Variants in RORB observed in about 807,000 individuals in gnomAD.
The protein encoded by RORB is nuclear receptor ROR-beta.
A neutral mutation model predicts 59.1 loss-of-function variants in RORB; 6 were observed. The observed-to-expected ratio is 0.10, with a 90% CI of 0.06 to 0.20. The LOEUF (loss-of-function observed/expected upper bound fraction) is 0.20. RORB is among the 10% of genes least tolerant of loss of function. The pLI is 1.00. For synonymous variants in RORB, 215 were observed against 204.5 expected, an observed-to-expected ratio of 1.05 and a Z score of -0.44; for missense variants, 320 against 560.5, an observed-to-expected ratio of 0.57 and a Z score of 4.33.
At chr9:74,623,359 T>C (rs1823455624) in intron 1 of RORB, among the ~76,000 whole-genome samples, 1 of 152,088 alleles carries the variant, frequency 6.6e-6, no homozygotes, top group East Asian at 1.9e-4. Context: ...TGGGTGTTAA[T>C]TACAGTAACG....
At chr9:74,628,250 T>G (rs528848052) in intron 1 of RORB, among the ~76,000 whole-genome samples, 3 of 152,118 alleles carry the variant, frequency 2.0e-5, no homozygotes, top group Non-Finnish European at 4.4e-5. Flanking sequence ...AAGAAATGAA[T>G]AGAAATGTAT....
intron 1 of RORB, among the ~76,000 whole-genome samples, chr9:74,564,841 A>AT (rs974794402): frequency 3.3e-5 from 5 of 152,190 alleles, no homozygotes; most frequent in Admixed American, 1.3e-4. Flanking sequence ...CAGTTCTGGT[A>AT]TTTTTTTAAA....
chr9:74,688,324 C>G lies in RORB; in HGVS notation c.*2706C>G, dbSNP rs950123647. On this transcript the variant is annotated 3_prime_UTR_variant, in exon 10 of 10. Transcript: ENST00000376896. ...GCCCAACCTTCCCTTTAAAGAGAAT[C>G]CAGTCATGTTTTCAATGGTAAAAAG... 1 of 152,168 alleles carries G rather than the reference C, an allele frequency of 6.6e-6. No homozygotes were observed. Among genetic ancestry groups the G allele is most frequent in the Non-Finnish European group, 1.5e-5 (1 of 68,044 alleles). 9.4% of individuals were successfully genotyped at this position (152,168 alleles called of 1,614,324 possible).
chr9:74,550,973 T>A (rs938392257), intron 1 of RORB, among the ~76,000 whole-genome samples: 4 of 152,330 alleles, frequency 2.6e-5, no homozygotes, highest in African/African-American at 9.6e-5. Context: ...TTTAGATATA[T>A]TGGATTAACT....
rs76444256 is a variant in RORB at position 74,644,244 on chromosome 9, G to C, written c.637+1429G>C. Among the ~76,000 whole-genome samples the C allele has an allele frequency of 2.8e-4, 42 of 152,322 alleles. No homozygotes were observed. The East Asian group carries it at 7.9e-3, about 29-fold the overall frequency. ...CCTTTTAGCAATGCAGCATGTGACAGTGAGTAACATTGTTGACAAAGCACC... is the reference window on the plus strand; with the variant it reads ...CCTTTTAGCAATGCAGCATGTGACACTGAGTAACATTGTTGACAAAGCACC... On this transcript the variant is annotated intron_variant, in intron 4 of 9. Transcript: ENST00000376896.
intron 1 of RORB, among the ~76,000 whole-genome samples, chr9:74,598,026 A>G (rs1397069401): frequency 1.3e-5 from 2 of 152,202 alleles, no homozygotes; most frequent in Non-Finnish European, 2.9e-5. Flanking sequence ...GGTTAAATAA[A>G]ATATATTAAT....
At chr9:74,540,573 A>G (rs572844051) in intron 1 of RORB, among the ~76,000 whole-genome samples, 1 of 152,240 alleles carries the variant, frequency 6.6e-6, no homozygotes, top group Non-Finnish European at 1.5e-5. Context: ...AAGATAGAAT[A>G]TAATACCCTC....
At chr9:74,663,055 T>A (rs1357258165) in intron 6 of RORB, among the ~76,000 whole-genome samples, 1 of 152,168 alleles carries the variant, frequency 6.6e-6, no homozygotes, top group Non-Finnish European at 1.5e-5. Context: ...GGTACTCTAA[T>A]CTTTCCCTAC....
Position 74,526,194 on chromosome 9 carries a change from A to G in RORB, c.7+28211A>G, listed in dbSNP as rs1447075019. ...TCAAAATCTGTAACAGAGGGACCCA[A>G]TAATTTAACAAACATCCACTTTCAC... On this transcript the variant is annotated intron_variant, in intron 1 of 9. Transcript: ENST00000376896. 2.6e-5 allele frequency among the ~76,000 whole-genome samples: 4 copies of G among 151,974 alleles called. No individual in the cohort carries two copies. The South Asian group carries it at 6.2e-4, about 24-fold the overall frequency.
chr9:74,582,420 G>A lies in RORB; in HGVS notation c.8-47862G>A, dbSNP rs540350646. Among the ~76,000 whole-genome samples the A allele has an allele frequency of 1.4e-4, 21 of 152,266 alleles. 1 individual carries two copies. The South Asian group carries it at 4.1e-3, about 30-fold the overall frequency. On this transcript the variant is annotated intron_variant, in intron 1 of 9. Transcript: ENST00000376896. ...AAAATGGCTCAGAGCCCATGCCCTA[G>A]GAATGGCAGATAAGGAATGTGATTG...
At chr9:74,680,027 C>T (rs1193712302) in intron 9 of RORB, among the ~76,000 whole-genome samples, 3 of 151,988 alleles carry the variant, frequency 2.0e-5, no homozygotes, top group Admixed American at 6.6e-5. Flanking sequence ...TGCTTGAACC[C>T]GGGAGGTGGA....
At chr9:74,602,442 T>A (rs1390132286) in intron 1 of RORB, among the ~76,000 whole-genome samples, 2 of 152,190 alleles carry the variant, frequency 1.3e-5, no homozygotes, top group African/African-American at 4.8e-5. Context: ...GAGGTGGACA[T>A]TTTGATAGTG....
chr9:74,568,381 G>A (rs1822498868), intron 1 of RORB, among the ~76,000 whole-genome samples: 1 of 151,948 alleles, frequency 6.6e-6, no homozygotes, highest in Admixed American at 6.6e-5. Context: ...ATGACTGTGA[G>A]AGCAGCAATC....
At chr9:74,499,181 A>C (rs1825768505) in intron 1 of RORB, 1 of 152,352 alleles carries the variant, frequency 6.6e-6, no homozygotes, top group African/African-American at 2.4e-5. Context: ...TTGACAACAG[A>C]AAGTTAGTAA....
intron 1 of RORB, among the ~76,000 whole-genome samples, chr9:74,584,761 C>G (rs2118267042): frequency 6.6e-6 from 1 of 152,252 alleles, no homozygotes; most frequent in South Asian, 2.1e-4. Flanking sequence ...GAGATAGTGG[C>G]TACTGTCATA....
At position 74,693,041 on chromosome 9, in the gene RORB, AAATT is replaced by A. The variant is rs1293843754; in HGVS notation, c.*7425_*7428del. 1 of 152,208 alleles carries A rather than the reference AAATT, an allele frequency of 6.6e-6. No homozygotes were observed. Among genetic ancestry groups the A allele is most frequent in the Admixed American group, 6.5e-5 (1 of 15,284 alleles). The allele number at this position is 152,208 out of a possible 1,614,324, so 9.4% of individuals were successfully genotyped here. On this transcript the variant is annotated 3_prime_UTR_variant, in exon 10 of 10. Transcript: ENST00000376896. ...TTTTTGTCCTTATTTTATGTCCTGT[AAATT>A]ATTAGTTCAATACTGTTAGCATTCC...
intron 1 of RORB, among the ~76,000 whole-genome samples, chr9:74,608,933 C>A (rs1823190664): frequency 6.6e-6 from 1 of 152,094 alleles, no homozygotes. Flanking sequence ...CCTCATTTTG[C>A]CAATACAGAT....
chr9:74,665,552 G>A lies in RORB; in HGVS notation c.957G>A (p.Leu319=). 1.2e-6 allele frequency: 2 copies of A among 1,613,000 alleles called. No homozygotes were observed. Among genetic ancestry groups the A allele is most frequent in the Non-Finnish European group, 1.7e-6 (2 of 1,179,372 alleles). The part of the protein sequence containing the change: ...RAFNPLNNTV[L]FEGKYGGMQM... ...TCAACCCATTAAACAACACTGTTCTGTTTGAAGGAAAATATGGAGGAATGC... is the reference window on the plus strand; with the variant it reads ...TCAACCCATTAAACAACACTGTTCTATTTGAAGGAAAATATGGAGGAATGC... The change falls in exon 7 of 10, where the codon CTG becomes CTA. Residue 319 remains leucine, a synonymous_variant. Transcript: ENST00000376896.
chr9:74,633,675 A>G (rs1463207005), intron 2 of RORB, among the ~76,000 whole-genome samples: 1 of 152,182 alleles, frequency 6.6e-6, no homozygotes, highest in East Asian at 1.9e-4. Flanking sequence ...ACAACTAAGG[A>G]GAAATCTTTT....
Sources: gnomAD v4.1 joint callset for allele counts (sites outside exome capture counted in the v4.1 genomes callset) on GRCh38, gnomAD v4.1.1 for gene constraint, MANE v1.5 for transcripts, NCBI Gene and HGNC (gene_info 2026-07-23, HGNC 2026-07-21) for gene names.